Variants in CLASP1 observed in about 807,000 individuals in gnomAD.
CLASP1 encodes the protein cytoplasmic linker associated protein 1.
A neutral mutation model predicts 192.3 loss-of-function variants in CLASP1; 38 were observed. The ratio of observed to expected loss-of-function variants is 0.20; its 90% CI spans 0.15 to 0.26. The LOEUF is 0.26. Ranked by LOEUF, CLASP1 falls within the 10% of genes least tolerant of loss-of-function variation. CLASP1 has a pLI of 1.00. For missense variants in CLASP1, 1,433 were observed against 1,932.5 expected, an observed-to-expected ratio of 0.74 and a Z score of 4.85; for synonymous variants, 691 against 712.8, an observed-to-expected ratio of 0.97 and a Z score of 0.49.
At chr2:121,532,456 A>G (rs1237103702) in intron 2 of CLASP1, 2 of 152,268 alleles carry the variant, frequency 1.3e-5, no homozygotes, top group African/African-American at 2.4e-5. Flanking sequence ...GTGGAGGTCA[A>G]CATCAAGTAC....
Position 121,480,078 on chromosome 2 carries a change from C to T in CLASP1, c.713-10118G>A, listed in dbSNP as rs543602183. On this transcript the variant is annotated intron_variant, in intron 8 of 39. Transcript: ENST00000263710. The stretch of plus-strand genomic sequence containing the variant: ...AAAAAGCTGGGCTGGCATTTTAAGA[C>T]GATCTCAACAATGACACCACTGGTA... 1.5e-4 allele frequency among the ~76,000 whole-genome samples: 23 copies of T among 152,244 alleles called. No individual in the cohort carries two copies. In the South Asian group the frequency reaches 2.5e-3, roughly 16 times the overall value.
Position 121,489,889 on chromosome 2 carries a change from C to A in CLASP1, c.712+13278G>T, listed in dbSNP as rs151168701. 6.4e-3 allele frequency among the ~76,000 whole-genome samples: 967 copies of A among 152,262 alleles called. 12 individuals are homozygous for A. The highest frequency in any genetic ancestry group is 0.022 in the African/African-American group (923 of 41,544). The stretch of plus-strand genomic sequence containing the variant: ...ACTGGGAAAACTTAGAAATTTCTAG[C>A]CAGTAGATTATTTTCAAGACCACTT... On this transcript the variant is annotated intron_variant, in intron 8 of 39. Transcript: ENST00000263710.
intron 6 of CLASP1, among the ~76,000 whole-genome samples, chr2:121,519,128 T>A (rs1307657623): frequency 6.6e-6 from 1 of 152,200 alleles, no homozygotes; most frequent in Non-Finnish European, 1.5e-5. Context: ...ATAAGTAGAC[T>A]TAAGGACCTA....
Position 121,552,442 on chromosome 2 carries a change from T to C in CLASP1, c.196-22117A>G, listed in dbSNP as rs184458010. On this transcript the variant is annotated intron_variant, in intron 2 of 39. Coordinates refer to ENST00000263710, the Ensembl canonical transcript of CLASP1. ...GGAGAAAATATTTGCAAACCACGCA[T>C]CTGACAAAGGTCTAATATCCAGCAT... Among the ~76,000 whole-genome samples, 111 of 152,298 alleles carry C rather than the reference T, an allele frequency of 7.3e-4. 1 individual carries two copies. Among genetic ancestry groups the C allele is most frequent in the African/African-American group, 2.5e-3 (102 of 41,562 alleles).
chr2:121,531,029 C>G (rs114408261), intron 2 of CLASP1: 4 of 700,192 alleles, frequency 5.7e-6, no homozygotes, highest in East Asian at 2.7e-5. Flanking sequence ...TTTTCATAGA[C>G]TTATCAGTTC....
chr2:121,620,710 A>G lies in CLASP1; in HGVS notation c.-285-14530T>C, dbSNP rs561244440. 5.2e-4 allele frequency among the ~76,000 whole-genome samples: 79 copies of G among 152,190 alleles called. No individual in the cohort carries two copies. The South Asian group carries it at 0.016, about 31-fold the overall frequency. ...GCATCTTTGAAGAAGTATCTGATCA[A>G]ATCCTTTGCTCATTTGTTAACTGGG... On this transcript the variant is annotated intron_variant, in intron 1 of 39. Coordinates refer to ENST00000263710, the Ensembl canonical transcript of CLASP1.
chr2:121,546,670 A>G (rs1477264605), intron 2 of CLASP1, among the ~76,000 whole-genome samples: 2 of 152,060 alleles, frequency 1.3e-5, no homozygotes, highest in African/African-American at 4.8e-5. Context: ...ACAGAGCTAC[A>G]TGGAATCTTG....
At chr2:121,632,789 G>A (rs779255282) in intron 1 of CLASP1, among the ~76,000 whole-genome samples, 36 of 151,790 alleles carry the variant, frequency 2.4e-4, no homozygotes, top group Non-Finnish European at 4.4e-4. Context: ...CTAGCTACTA[G>A]GGAGACTGAG....
chr2:121,501,722 T>G (rs917471946), intron 8 of CLASP1, among the ~76,000 whole-genome samples: 1 of 152,212 alleles, frequency 6.6e-6, no homozygotes, highest in African/African-American at 2.4e-5. Context: ...CAGCAGAGTG[T>G]GAGTCAAAAG....
intron 19 of CLASP1, among the ~76,000 whole-genome samples, chr2:121,437,082 C>T (rs940180479): frequency 1.3e-5 from 2 of 152,134 alleles, no homozygotes; most frequent in Non-Finnish European, 2.9e-5. Context: ...CCTGCCCCAG[C>T]CTCACAAGTA....
At chr2:121,479,022 A>ACACACAC (rs1559370716) in intron 8 of CLASP1, among the ~76,000 whole-genome samples, 824 of 55,382 alleles carry the variant, frequency 0.015, 29 homozygotes, top group African/African-American at 0.073. Context: ...CACACCACAC[A>ACACACAC]CACACACACC....
intron 9 of CLASP1, among the ~76,000 whole-genome samples, chr2:121,467,261 G>C (rs1453865161): frequency 1.3e-5 from 2 of 152,112 alleles, no homozygotes; most frequent in Admixed American, 1.3e-4. Flanking sequence ...ATAGTGCTGG[G>C]ATGAACATAT....
At chr2:121,404,274 C>T (rs9807995) in intron 26 of CLASP1, 97 bp downstream of exon 27, 151,775 of 1,538,214 alleles carry the variant, frequency 0.099, 13,636 homozygotes, top group African/African-American at 0.46. Flanking sequence ...GTCGGAACTG[C>T]ACTATCGGGA....
intron 37 of CLASP1, among the ~76,000 whole-genome samples, chr2:121,355,545 G>C (rs984533567): frequency 6.6e-6 from 1 of 152,212 alleles, no homozygotes; most frequent in African/African-American, 2.4e-5. Flanking sequence ...TGGGGTTAGA[G>C]AAAGTTTCCC....
chr2:121,515,752 G>C (rs201686208), exon 7 of CLASP1: 107 of 1,613,510 alleles, frequency 6.6e-5, no homozygotes, highest in Non-Finnish European at 8.6e-5. Flanking sequence ...GTTTATTGCT[G>C]CATCTCGAAC....
chr2:121,356,707 T>G (rs1442855632), intron 37 of CLASP1, among the ~76,000 whole-genome samples: 16 of 152,222 alleles, frequency 1.1e-4, no homozygotes. Flanking sequence ...CAGGAAGCTT[T>G]GAAGATCTTG....
At chr2:121,566,475 T>G (rs2059513040) in intron 2 of CLASP1, among the ~76,000 whole-genome samples, 1 of 152,164 alleles carries the variant, frequency 6.6e-6, no homozygotes, top group African/African-American at 2.4e-5. Flanking sequence ...GGTTTTCAAG[T>G]AGAACTATAG....
intron 34 of CLASP1, among the ~76,000 whole-genome samples, chr2:121,372,599 C>T (rs958337764): frequency 4.6e-5 from 7 of 152,238 alleles, no homozygotes; most frequent in Non-Finnish European, 1.0e-4. Flanking sequence ...TAATATTTCA[C>T]TGAATTGCAC....
chr2:121,478,647 CCCA>C (rs768048946), intron 8 of CLASP1, among the ~76,000 whole-genome samples: 2,122 of 102,058 alleles, frequency 0.021, 27 homozygotes, highest in Middle Eastern at 0.045. Context: ...ACACACACCC[CCCA>C]CACACACACA....
Sources: allele counts gnomAD v4.1 joint callset (sites outside exome capture counted in the v4.1 genomes callset), GRCh38; gene constraint gnomAD v4.1.1; transcripts MANE v1.5; gene names NCBI Gene and HGNC (gene_info 2026-07-23, HGNC 2026-07-21).